The following ZBTB46 variants were observed in gnomAD, a reference collection of about 807,000 sequenced individuals.
The protein encoded by ZBTB46 is zinc finger and BTB domain-containing protein 46.
Under a neutral mutation model 44.1 loss-of-function variants are expected in ZBTB46, and 8 were observed. That is an observed-to-expected ratio of 0.18 (90% CI 0.11 to 0.33). The LOEUF is 0.33. Among genes scored for constraint, ZBTB46 ranks in the 10% least tolerant of loss-of-function variants. The pLI, the probability that ZBTB46 is intolerant of heterozygous loss-of-function variation, is 1.00. For missense variants in ZBTB46, 651 were observed against 847.7 expected (o/e 0.77, Z 2.88); for synonymous variants, 409 against 382.3 (o/e 1.07, Z -0.81).
intron 1 of ZBTB46, among the ~76,000 whole-genome samples, chr20:63,801,729 G>GT (rs2092647307): frequency 6.6e-6 from 1 of 152,066 alleles, no homozygotes; most frequent in African/African-American, 2.4e-5. Flanking sequence ...ACAAACTCCA[G>GT]ACACGCCGCC....
intron 1 of ZBTB46, among the ~76,000 whole-genome samples, chr20:63,817,133 G>C (rs1454211939): frequency 6.6e-6 from 1 of 151,864 alleles, no homozygotes. Flanking sequence ...AAAAGAAAAG[G>C]AAAGGGCCAG....
At chr20:63,754,026 T>G (rs943092200) in intron 3 of ZBTB46, among the ~76,000 whole-genome samples, 1 of 152,116 alleles carries the variant, frequency 6.6e-6, no homozygotes, top group Non-Finnish European at 1.5e-5. Flanking sequence ...ATGACAAGGA[T>G]CTCCCAAAAG....
chr20:63,750,962 C>A (rs996473221), intron 4 of ZBTB46, among the ~76,000 whole-genome samples: 6 of 152,060 alleles, frequency 3.9e-5, no homozygotes, highest in African/African-American at 1.2e-4. Flanking sequence ...GGCAGCCACA[C>A]TGAACCTCAA....
At chr20:63,782,096 A>AAAAAAAAAAAAAAAAAAAG (rs1386082316) in intron 2 of ZBTB46, among the ~76,000 whole-genome samples, 1 of 124,922 alleles carries the variant, frequency 8.0e-6, no homozygotes, top group Admixed American at 8.5e-5. Context: ...CAAAAAAAAA[A>AAAAAAAAAAAAAAAAAAAG]AAAAGAAAAG....
intron 3 of ZBTB46, chr20:63,769,260 G>A (rs2092346824): frequency 3.0e-6 from 3 of 985,302 alleles, no homozygotes; most frequent in Non-Finnish European, 3.6e-6. Context: ...CTGAGCTGGG[G>A]GAGGCTGTGC....
chr20:63,763,775 T>C lies in ZBTB46; in HGVS notation c.1223-10914A>G, dbSNP rs183840975. Among the ~76,000 whole-genome samples the C allele has an allele frequency of 2.0e-5, 3 of 152,248 alleles. No individual in the cohort carries two copies. The East Asian group carries it at 5.8e-4, about 29-fold the overall frequency. ...ATCACACCACTTTTCCTATTTTCAG[T>C]CATCATTCCTGTGACTATAAAGAGT... is the stretch of plus-strand genomic sequence containing the variant. On this transcript the variant is annotated intron_variant, in intron 3 of 4. Transcript: ENST00000245663.
At chr20:63,800,593 TGCGGCGCTTGCGGGCCAGCTAGA>T (rs1333651290) in intron 1 of ZBTB46, among the ~76,000 whole-genome samples, 2 of 152,186 alleles carry the variant, frequency 1.3e-5, no homozygotes, top group African/African-American at 4.8e-5. Context: ...CGGGGCTGCG[TGCGGCGCTTGCGGGCCAGCTAGA>T]GTTCCGGGTG....
chr20:63,776,131 C>T (rs6089990), intron 2 of ZBTB46, among the ~76,000 whole-genome samples, 169 bp from the exon 3 acceptor site: 4 of 152,268 alleles, frequency 2.6e-5, no homozygotes, highest in African/African-American at 9.6e-5. Flanking sequence ...ATGCAGCAGC[C>T]TCGGCCCAGC....
At chr20:63,830,617 TGCCGGCGGGGGGC>T in intron 1 of ZBTB46, among the ~76,000 whole-genome samples, 1 of 149,514 alleles carries the variant, frequency 6.7e-6, no homozygotes, top group Non-Finnish European at 1.5e-5. Flanking sequence ...GGCTGGGCTG[TGCCGGCGGGGGGC>T]GCGGGCGGGG....
chr20:63,782,142 G>A (rs1035845772), intron 2 of ZBTB46, among the ~76,000 whole-genome samples: 26 of 151,132 alleles, frequency 1.7e-4, no homozygotes, highest in African/African-American at 6.1e-4. Flanking sequence ...CCCGGCTACT[G>A]TATGCAAACC....
intron 1 of ZBTB46, among the ~76,000 whole-genome samples, chr20:63,814,356 T>TTC (rs1238253547): frequency 6.6e-6 from 1 of 152,132 alleles, no homozygotes; most frequent in Non-Finnish European, 1.5e-5. Context: ...GACGTGGACG[T>TTC]TCTCTCTAAT....
chr20:63,761,772 ACT>A (rs2092279829), intron 3 of ZBTB46, among the ~76,000 whole-genome samples: 1 of 127,494 alleles, frequency 7.8e-6, no homozygotes, highest in African/African-American at 3.3e-5. Flanking sequence ...ACAGAGCGAG[ACT>A]CTGCCTCAAA....
At chr20:63,765,540 C>T (rs552401520) in intron 3 of ZBTB46, among the ~76,000 whole-genome samples, 251 of 152,354 alleles carry the variant, frequency 1.6e-3, no homozygotes, top group Non-Finnish European at 1.8e-3. Flanking sequence ...GCGATCCTCC[C>T]TCCTCGGCCT....
chr20:63,817,114 AAAGAAAAG>A (rs1032494467), intron 1 of ZBTB46, among the ~76,000 whole-genome samples: 8 of 103,750 alleles, frequency 7.7e-5, no homozygotes, highest in Non-Finnish European at 1.5e-4. Context: ...TCAAAAAAAA[AAAGAAAAG>A]AAAAGAAAAG....
intron 1 of ZBTB46, among the ~76,000 whole-genome samples, chr20:63,818,367 A>T (rs1186001939): frequency 7.2e-5 from 11 of 152,162 alleles, no homozygotes; most frequent in Admixed American, 7.2e-4. Context: ...CTGCGTAAGG[A>T]GGTCCAACCC....
At chr20:63,775,461 C>T (rs569456896) in intron 3 of ZBTB46, 10 of 528,194 alleles carry the variant, frequency 1.9e-5, no homozygotes, top group Middle Eastern at 5.0e-4. Flanking sequence ...CTCACAACCG[C>T]GTCCATTCCC....
At position 63,774,497 on chromosome 20, in the gene ZBTB46, C is replaced by T. The variant is rs1324401530; in HGVS notation, c.1222+1181G>A. Among the ~76,000 whole-genome samples the T allele has an allele frequency of 3.3e-5, 5 of 152,258 alleles. No individual in the cohort carries two copies. The South Asian group carries it at 6.2e-4, about 19-fold the overall frequency. On this transcript the variant is annotated intron_variant, in intron 3 of 4. Transcript: ENST00000245663. ...CACACCACTCAGCACGCCTGGACCCCAGCCGCGGAGGTGGGGGCATCTCAT... is the reference window on the plus strand; with the variant it reads ...CACACCACTCAGCACGCCTGGACCCTAGCCGCGGAGGTGGGGGCATCTCAT...
At chr20:63,815,779 C>A (rs151255005) in intron 1 of ZBTB46, among the ~76,000 whole-genome samples, 1,965 of 140,056 alleles carry the variant, frequency 0.014, 42 homozygotes, top group South Asian at 0.094. Context: ...GGCACAAGTG[C>A]AGAAGGTGCA....
Position 63,752,424 on chromosome 20 carries a change from C to G in ZBTB46, c.1398+262G>C, listed in dbSNP as rs916243109. Among the ~76,000 whole-genome samples the G allele has an allele frequency of 6.6e-6, 1 of 151,964 alleles. No individual in the cohort carries two copies. Among genetic ancestry groups the G allele is most frequent in the Non-Finnish European group, 1.5e-5 (1 of 67,974 alleles). Reference sequence around the variant, plus strand: ...TCCAAGCAGAGCGAGCTGAGTTTGCCGAGGCCTGGCTGCCTTGGCGGCCAG... The same window carrying G: ...TCCAAGCAGAGCGAGCTGAGTTTGCGGAGGCCTGGCTGCCTTGGCGGCCAG... On this transcript the variant is annotated intron_variant, in intron 4 of 4. Coordinates refer to ENST00000245663, the MANE Select transcript of ZBTB46 (RefSeq NM_001369741.1). This position sits in a 1 kb window ranked among gnomAD's most constrained non-coding sequence, Gnocchi z 5.6.
Sources: allele counts gnomAD v4.1 joint callset (sites outside exome capture counted in the v4.1 genomes callset), GRCh38; gene constraint gnomAD v4.1.1; non-coding constraint Gnocchi (gnomAD v3.1); transcripts MANE v1.5; gene names NCBI Gene and HGNC (gene_info 2026-07-23, HGNC 2026-07-21).